PI4K2B: variants seen among roughly 807,000 people sequenced by gnomAD.
The protein encoded by PI4K2B is phosphatidylinositol 4-kinase type 2 beta, also known as phosphatidylinositol 4-kinase type 2-beta.
PI4K2B carries 46 observed loss-of-function variants against 56.6 expected under a neutral mutation model. The observed-to-expected ratio is 0.81, with a 90% CI of 0.64 to 1.04. PI4K2B has a LOEUF of 1.04. Among genes scored for constraint, PI4K2B ranks in the 50% least tolerant of loss-of-function variants. The pLI is 0.00. For synonymous variants in PI4K2B, 211 were observed against 223.8 expected (o/e 0.94, Z 0.51); for missense variants, 556 against 607.7 (o/e 0.91, Z 0.89).
chr4:25,275,234 G>A (rs1717052215), intron 9 of PI4K2B, among the ~76,000 whole-genome samples: 1 of 152,224 alleles, frequency 6.6e-6, no homozygotes, highest in Non-Finnish European at 1.5e-5. Context: ...ACCCAAAGAG[G>A]AAACTAACCA....
rs964576815 is a variant in PI4K2B at position 25,234,464 on chromosome 4, C to G, written c.268+33C>G. Reference sequence around the variant, plus strand: ...CCGGCCCTGCCCCACTCCCCGCGCCCCTCCGGGCGGCTGCCCCTGTCGCCC... The same window carrying G: ...CCGGCCCTGCCCCACTCCCCGCGCCGCTCCGGGCGGCTGCCCCTGTCGCCC... On this transcript the variant is annotated intron_variant, in intron 1 of 9. Coordinates refer to ENST00000264864, the MANE Select transcript of PI4K2B (RefSeq NM_018323.4). 45 of 1,247,456 alleles carry G rather than the reference C, an allele frequency of 3.6e-5. No individual in the cohort carries two copies. The Middle Eastern group carries it at 2.2e-3, about 60-fold the overall frequency. The allele number at this position is 1,247,456 out of a possible 1,614,324, so 77.3% of individuals were successfully genotyped here.
In PI4K2B at chr4:25,252,407, G is replaced by A. The variant is rs761511829; in HGVS notation, c.355G>A (p.Val119Ile). The change falls in exon 2 of 10, where the codon GTT becomes ATT. Residue 119 changes from valine (V) to isoleucine (I), a missense_variant. By Grantham distance (29) the Val-to-Ile change is conservative. Coordinates refer to ENST00000264864, the MANE Select transcript of PI4K2B (RefSeq NM_018323.4). ...GCTGAGAGCAGAGCAAGCAATAGAA[G>A]TTGGAATTTTTCCAGAAAGAATCTC... ...IMLRAEQAIE[V>I]GIFPERISQG... 2.5e-5 allele frequency: 41 copies of A among 1,611,186 alleles called. No homozygotes were observed. In the Admixed American group the frequency reaches 6.7e-4, roughly 26 times the overall value.
At chr4:25,267,679 T>G (rs186725688) in intron 7 of PI4K2B, 1 of 597,032 alleles carries the variant, frequency 1.7e-6, no homozygotes, top group East Asian at 1.4e-4. Flanking sequence ...CTTGCAGGAA[T>G]CTGAATATGC....
Position 25,234,235 on chromosome 4 carries a change from G to T in PI4K2B, c.72G>T (p.Gly24=), listed in dbSNP as rs781762663. The T allele has an allele frequency of 2.1e-6, 3 of 1,428,076 alleles. No individual in the cohort carries two copies. The highest frequency in any genetic ancestry group is 6.0e-5 in the East Asian group (2 of 33,188). The allele number at this position is 1,428,076 out of a possible 1,614,324, so 88.5% of individuals were successfully genotyped here. A position where few individuals can be genotyped will look rare whatever the true frequency, so the allele number is the denominator to read the frequency against. ...DGGSPEEEED[G]EREPLLPRIA... is the part of the protein sequence containing the mutation. ...GGAGCCCGGAGGAGGAGGAGGATGG[G>T]GAGCGGGAGCCGCTGCTACCGCGGA... The change falls in exon 1 of 10, where the codon GGG becomes GGT. Residue 24 remains glycine, a synonymous_variant. Transcript: ENST00000264864.
intron 1 of PI4K2B, among the ~76,000 whole-genome samples, chr4:25,249,558 G>C (rs965011414): frequency 6.9e-6 from 1 of 145,640 alleles, no homozygotes; most frequent in African/African-American, 2.6e-5. Context: ...GCTGCCGGGC[G>C]GAGGGGCTCC....
chr4:25,259,770 C>T (rs951814087), intron 5 of PI4K2B, among the ~76,000 whole-genome samples: 1 of 152,098 alleles, frequency 6.6e-6, no homozygotes, highest in Non-Finnish European at 1.5e-5. Flanking sequence ...TGTTGGGCCA[C>T]ATTCAAAGCC....
chr4:25,248,288 T>A (rs1715882835), intron 1 of PI4K2B, among the ~76,000 whole-genome samples: 1 of 152,216 alleles, frequency 6.6e-6, no homozygotes, highest in Admixed American at 6.5e-5. Flanking sequence ...TTAGGTGTGG[T>A]AAAGGCAAGG....
chr4:25,248,080 A>G (rs1715871972), intron 1 of PI4K2B, among the ~76,000 whole-genome samples: 1 of 152,194 alleles, frequency 6.6e-6, no homozygotes, highest in Non-Finnish European at 1.5e-5. Context: ...GTTTAGGTTT[A>G]CAGTTCTAAT....
chr4:25,269,907 G>A (rs1027024789), intron 9 of PI4K2B, among the ~76,000 whole-genome samples: 13 of 151,652 alleles, frequency 8.6e-5, no homozygotes, highest in South Asian at 2.1e-4. Context: ...TAGTAGAGAC[G>A]GGGTTTCACC....
intron 3 of PI4K2B, among the ~76,000 whole-genome samples, chr4:25,255,534 G>A (rs1409740772): frequency 6.6e-6 from 1 of 152,196 alleles, no homozygotes; most frequent in Non-Finnish European, 1.5e-5. Context: ...GAAAATATCA[G>A]GGGATCCAGA....
In PI4K2B at chr4:25,270,838, C is replaced by T. The variant is rs377711402; in HGVS notation, c.1272+1635C>T. On this transcript the variant is annotated intron_variant, in intron 9 of 9. Transcript: ENST00000264864. ...TTATACTGTAAACATTGTCTTTTAG[C>T]GTCTTATAAATTAACATTCTCTTCC... is the stretch of plus-strand genomic sequence containing the variant. 3.3e-4 allele frequency among the ~76,000 whole-genome samples: 50 copies of T among 152,262 alleles called. No homozygotes were observed. The South Asian group carries it at 1.0e-2, about 30-fold the overall frequency.
chr4:25,241,551 C>T (rs921999870), intron 1 of PI4K2B, among the ~76,000 whole-genome samples: 7 of 152,134 alleles, frequency 4.6e-5, no homozygotes, highest in African/African-American at 1.7e-4. Flanking sequence ...GGAGTAGCAC[C>T]TGGTATCTAA....
At position 25,278,572 on chromosome 4, in the gene PI4K2B, T is replaced by A. The variant is rs754419930; in HGVS notation, c.*1385T>A. Reference sequence around the variant, plus strand: ...TCTTCATGGACGAGATGAATGAGGATTCTGCTGCCCTGAGGGAGTTCATTG... The same window carrying A: ...TCTTCATGGACGAGATGAATGAGGAATCTGCTGCCCTGAGGGAGTTCATTG... On this transcript the variant is annotated 3_prime_UTR_variant, in exon 10 of 10. Transcript: ENST00000264864. 127 of 152,778 alleles carry A rather than the reference T, an allele frequency of 8.3e-4. No individual in the cohort carries two copies. The highest frequency in any genetic ancestry group is 7.5e-4 in the Non-Finnish European group (51 of 68,042). The allele number at this position is 152,778 out of a possible 1,614,324, so 9.5% of individuals were successfully genotyped here.
intron 1 of PI4K2B, among the ~76,000 whole-genome samples, chr4:25,246,681 CTTG>C (rs1218788141): frequency 6.6e-6 from 1 of 152,302 alleles, no homozygotes; most frequent in East Asian, 1.9e-4. Flanking sequence ...GAGGGTGGTG[CTTG>C]TTGGGGAGGC....
At chr4:25,261,500 A>G (rs1716477621) in intron 6 of PI4K2B, among the ~76,000 whole-genome samples, 1 of 152,184 alleles carries the variant, frequency 6.6e-6, no homozygotes, top group African/African-American at 2.4e-5. Context: ...CATTTGGGAA[A>G]GTTTTAAGTG....
chr4:25,259,163 A>C lies in PI4K2B; in HGVS notation c.883A>C (p.Ile295Leu). 2 of 1,574,848 alleles carry C rather than the reference A, an allele frequency of 1.3e-6. No homozygotes were observed. The highest frequency in any genetic ancestry group is 1.7e-6 in the Non-Finnish European group (2 of 1,148,454). ...QFQSQFERLV[I>L]LDYIIRNTDR... ...TCAGTCACAATTTGAAAGATTAGTT[A>C]TTTTGGATTACATCATCAGAAATAC... is the stretch of plus-strand genomic sequence containing the variant. The change falls in exon 5 of 10, where the codon ATT becomes CTT. Residue 295 changes from isoleucine to leucine, a missense_variant. Ile to Leu is a conservative substitution (Grantham distance 5). Transcript: ENST00000264864.
At chr4:25,274,222 G>A (rs988185185) in intron 9 of PI4K2B, among the ~76,000 whole-genome samples, 14 of 152,082 alleles carry the variant, frequency 9.2e-5, no homozygotes, top group African/African-American at 2.4e-4. Context: ...TCAGGCCCAC[G>A]GAAATTTAAA....
chr4:25,252,340 G>A lies in PI4K2B; in HGVS notation c.288G>A (p.Glu96=), dbSNP rs372894120. ...ATGCAGTAACTATTGGTACTTCAGA[G>A]ATGAATGCATTCTTGGATGACCCAG... The part of the protein sequence containing the change: ...PAVSVTIGTS[E]MNAFLDDPEF... The change falls in exon 2 of 10, where the codon GAG becomes GAA. Residue 96 remains glutamate, a synonymous_variant. Coordinates refer to ENST00000264864, the MANE Select transcript of PI4K2B (RefSeq NM_018323.4). 107 of 1,610,560 alleles carry A rather than the reference G, an allele frequency of 6.6e-5. No homozygotes were observed. Among genetic ancestry groups the A allele is most frequent in the Non-Finnish European group, 8.8e-5 (104 of 1,176,968 alleles).
intron 1 of PI4K2B, among the ~76,000 whole-genome samples, chr4:25,242,501 C>T (rs1475697481): frequency 6.6e-6 from 1 of 152,198 alleles, no homozygotes; most frequent in Non-Finnish European, 1.5e-5. Flanking sequence ...GTGAACCATT[C>T]TGCTTCCTCC....
Sources: gnomAD v4.1 joint callset for allele counts (sites outside exome capture counted in the v4.1 genomes callset) on GRCh38, gnomAD v4.1.1 for gene constraint, MANE v1.5 for transcripts, NCBI Gene and HGNC (gene_info 2026-07-23, HGNC 2026-07-21) for gene names.